Variants in RNF123 observed in about 807,000 individuals in gnomAD.
The protein encoded by RNF123 is E3 ubiquitin-protein ligase RNF123.
Under a neutral mutation model 168.5 loss-of-function variants are expected in RNF123, and 86 were observed. The observed-to-expected ratio is 0.51, with a 90% confidence interval of 0.43 to 0.61. The LOEUF (loss-of-function observed/expected upper bound fraction) is 0.61. Among genes scored for constraint, RNF123 ranks in the 20% least tolerant of loss-of-function variants. The pLI is 0.00. For synonymous variants in RNF123, 666 were observed against 689.1 expected, an observed-to-expected ratio of 0.97 and a Z score of 0.52; for missense variants, 1,419 against 1,729.7, an observed-to-expected ratio of 0.82 and a Z score of 3.19.
At position 49,700,195 on chromosome 3, in the gene RNF123, C is replaced by T. The variant is rs376012553; in HGVS notation, c.985-32C>T. The T allele has an allele frequency of 8.7e-6, 14 of 1,612,320 alleles. No homozygotes were observed. In the African/African-American group the frequency reaches 9.3e-5, roughly 11 times the overall value. On this transcript the variant is annotated intron_variant, in intron 12 of 38. Coordinates refer to ENST00000327697, the MANE Select transcript of RNF123 (RefSeq NM_022064.5). ...GGGTGCCTTGACCAGAGTGGAAGGC[C>T]ACCACCTCACCAGTGCCTGGCCTTG...
In RNF123 at chr3:49,721,187, C is replaced by A; in HGVS notation, c.3827C>A (p.Ala1276Asp). The change falls in exon 39 of 39, where the codon GCC (alanine) becomes GAC (aspartate). Residue 1276 changes from alanine (A) to aspartate (D), a missense_variant and splice_region_variant. Transcript: ENST00000327697. ...CCTCATCCCCTCCCCTGTTGTAGAG[C>A]CTGTATCAACCAGCACCTGATGAAC... ...FQPCGHKSCK[A>D]CINQHLMNNK... 1.2e-6 allele frequency: 2 copies of A among 1,614,222 alleles called. No homozygotes were observed. The highest frequency in any genetic ancestry group is 1.1e-5 in the South Asian group (1 of 91,088).
At position 49,720,507 on chromosome 3, in the gene RNF123, C is replaced by T; in HGVS notation, c.3501-4C>T. ...TGACTGCCCTTGCACCCTCCCCTAC[C>T]TAGGAGAGAGCAAGCCACATCAGTG... On this transcript the variant is annotated splice_polypyrimidine_tract_variant and splice_region_variant and intron_variant, in intron 35 of 38. Coordinates refer to ENST00000327697, the MANE Select transcript of RNF123 (RefSeq NM_022064.5). 1 of 1,572,868 alleles carries T rather than the reference C, an allele frequency of 6.4e-7. No individual in the cohort carries two copies. The highest frequency in any genetic ancestry group is 8.6e-7 in the Non-Finnish European group (1 of 1,158,228).
At chr3:49,703,549 C>T (rs544679626) in intron 21 of RNF123, 21 bp downstream of exon 21, 46 of 1,600,638 alleles carry the variant, frequency 2.9e-5, no homozygotes, top group South Asian at 3.3e-5. Context: ...GCCTGTGGGC[C>T]GGGAGCAGTT....
Position 49,699,633 on chromosome 3 carries a change from C to G in RNF123, c.880-35C>G. On this transcript the variant is annotated intron_variant, in intron 11 of 38. Transcript: ENST00000327697. The surrounding 1 kb of genome is among the most constrained non-coding windows in gnomAD (Gnocchi z 4.8). ...GGTGGGGGGCTTCCACAGCCTCCTG[C>G]CCCTCACACTTCTCCCTCCTCCCCC... 1 of 1,612,210 alleles carries G rather than the reference C, an allele frequency of 6.2e-7. No homozygotes were observed. Among genetic ancestry groups the G allele is most frequent in the South Asian group, 1.1e-5 (1 of 91,048 alleles).
intron 38 of RNF123, 32 bp from the exon 39 acceptor site, chr3:49,721,153 C>T (rs761843939): frequency 5.0e-6 from 8 of 1,613,942 alleles, no homozygotes; most frequent in Non-Finnish European, 6.8e-6. Flanking sequence ...TAGGTACATG[C>T]AGGGCAGTCC....
In RNF123 at chr3:49,712,464, G is replaced by T. The variant is rs375829243; in HGVS notation, c.2497-15G>T. On this transcript the variant is annotated splice_polypyrimidine_tract_variant and intron_variant, in intron 26 of 38. Coordinates refer to ENST00000327697, the MANE Select transcript of RNF123 (RefSeq NM_022064.5). The stretch of plus-strand genomic sequence containing the variant: ...CTGGTGCGCAACCCAGCAGCACCCC[G>T]TGTGCCTCCTGCAGGAGAAGATGCT... 2 of 1,613,368 alleles carry T rather than the reference G, an allele frequency of 1.2e-6. No homozygotes were observed. Among genetic ancestry groups the T allele is most frequent in the East Asian group, 2.2e-5 (1 of 44,874 alleles).
chr3:49,720,965 C>T (rs2080392198), intron 37 of RNF123, 55 bp from the exon 38 acceptor site: 2 of 1,606,982 alleles, frequency 1.2e-6, no homozygotes, highest in African/African-American at 1.3e-5. Context: ...GCACAACGGA[C>T]ATCCACATAG....
chr3:49,699,143 G>A lies in RNF123; in HGVS notation c.764+38G>A. ...GAAGATGGCTGTGGGCTGCTCAGAAGCTCTTGGGGAGGCTGGGATGAGGGG... is the reference window on the plus strand; with the variant it reads ...GAAGATGGCTGTGGGCTGCTCAGAAACTCTTGGGGAGGCTGGGATGAGGGG... On this transcript the variant is annotated intron_variant, in intron 10 of 38. Transcript: ENST00000327697. The surrounding 1 kb of genome is among the most constrained non-coding windows in gnomAD (Gnocchi z 4.8). 1 of 1,594,916 alleles carries A rather than the reference G, an allele frequency of 6.3e-7. No individual in the cohort carries two copies.
At chr3:49,715,419 C>A (rs966988106) in intron 31 of RNF123, 156 bp from the exon 32 acceptor site, 3 of 853,128 alleles carry the variant, frequency 3.5e-6, no homozygotes, top group Non-Finnish European at 5.3e-6. Context: ...AACTCCAAGG[C>A]AGCTGTCCTC....
chr3:49,719,065 G>A (rs767589734), intron 35 of RNF123: 1 of 1,613,778 alleles, frequency 6.2e-7, no homozygotes, highest in Non-Finnish European at 8.5e-7. Context: ...CTTCTCCAGC[G>A]CCCCCAGCCC....
At chr3:49,719,722 A>C (rs950731869) in intron 35 of RNF123, 3 of 431,854 alleles carry the variant, frequency 6.9e-6, no homozygotes. Context: ...TACTCCCCCC[A>C]GGGGCGGGGC....
chr3:49,714,564 T>G (rs1575538597), intron 31 of RNF123, among the ~76,000 whole-genome samples: 1 of 152,336 alleles, frequency 6.6e-6, no homozygotes, highest in Non-Finnish European at 1.5e-5. Flanking sequence ...TTCTGCTTCT[T>G]TTTTGCTATC....
chr3:49,719,307 C>A, intron 35 of RNF123: 4 of 1,613,252 alleles, frequency 2.5e-6, no homozygotes, highest in Non-Finnish European at 3.4e-6. Context: ...CTGGCACGTC[C>A]TGCAGCCCTA....
chr3:49,701,427 A>G (rs1432031787), intron 15 of RNF123, 64 bp from the exon 16 acceptor site: 5 of 1,280,232 alleles, frequency 3.9e-6, no homozygotes, highest in Middle Eastern at 1.8e-4. Flanking sequence ...GCTCCTGGGG[A>G]AGGACTCTTG....
chr3:49,716,422 C>G lies in RNF123; in HGVS notation c.3445C>G (p.Leu1149Val). The change falls in exon 35 of 39, where the codon CTG (leucine) becomes GTG (valine). Residue 1149 changes from leucine (L) to valine (V), a missense_variant. Leu to Val is a conservative substitution (Grantham distance 32). Coordinates refer to ENST00000327697, the MANE Select transcript of RNF123 (RefSeq NM_022064.5). ...AGAGAGCGTGGACCACTATCCCATT[C>G]TGGTGGCAGTGACGGGCATCCTGGT... ...GLESVDHYPI[L>V]VAVTGILVQL... The G allele has an allele frequency of 6.2e-7, 1 of 1,614,080 alleles. No homozygotes were observed. The highest frequency in any genetic ancestry group is 2.2e-5 in the East Asian group (1 of 44,874).
Position 49,691,505 on chromosome 3 carries a change from A to T in RNF123, c.163A>T (p.Ser55Cys). 6.2e-7 allele frequency: 1 copy of T among 1,613,912 alleles called. No individual in the cohort carries two copies. The highest frequency in any genetic ancestry group is 1.1e-5 in the South Asian group (1 of 91,052). Residue 55 changes from serine (S) to cysteine (C), a missense_variant, in exon 3 of 39, where the codon AGC becomes TGC. Physicochemically the swap from Ser to Cys is moderately radical, Grantham distance 112. Coordinates refer to ENST00000327697, the MANE Select transcript of RNF123 (RefSeq NM_022064.5). The stretch of plus-strand genomic sequence containing the variant: ...TGAACATGCACCCCCAGCAGCCACC[A>T]GCAGGTATGGCTGGGTGGGTGGCCC... ...SSEHAPPAAT[S>C]RKPLNFQNLP...
At position 49,701,485 on chromosome 3, in the gene RNF123, C is replaced by T. The variant is rs376364940; in HGVS notation, c.1278-6C>T. 8.5e-5 allele frequency: 137 copies of T among 1,611,824 alleles called. No individual in the cohort carries two copies. The highest frequency in any genetic ancestry group is 1.0e-4 in the Non-Finnish European group (118 of 1,178,442). On this transcript the variant is annotated splice_polypyrimidine_tract_variant and splice_region_variant and intron_variant, in intron 15 of 38. Transcript: ENST00000327697. The stretch of plus-strand genomic sequence containing the variant: ...GCAAGCAGAGCCCTGCCTTGACACC[C>T]GCCAGCTTCGACGTGCTCCGCTCCG...
chr3:49,715,780 G>A, intron 32 of RNF123, 42 bp from the exon 33 acceptor site: 1 of 1,613,920 alleles, frequency 6.2e-7, no homozygotes, highest in Non-Finnish European at 8.5e-7. Context: ...CTGGGCTAGA[G>A]CCAGGTGCTG....
intron 20 of RNF123, 104 bp downstream of exon 20, chr3:49,702,857 G>A: frequency 6.5e-7 from 1 of 1,543,102 alleles, no homozygotes; most frequent in South Asian, 1.2e-5. Context: ...TGGGCTGTGG[G>A]GAGTTGTCCC....
Sources: gnomAD v4.1 joint callset for allele counts (sites outside exome capture counted in the v4.1 genomes callset) on GRCh38, gnomAD v4.1.1 for gene constraint, Gnocchi (gnomAD v3.1) non-coding constraint, MANE v1.5 for transcripts, NCBI Gene and HGNC (gene_info 2026-07-23, HGNC 2026-07-21) for gene names.